Variants in TENM3 observed in about 807,000 individuals in gnomAD.
The protein encoded by TENM3 is teneurin transmembrane protein 3.
Under a neutral mutation model 255.1 loss-of-function variants are expected in TENM3, and 63 were observed. The ratio of observed to expected loss-of-function variants is 0.25; its 90% CI spans 0.20 to 0.30. TENM3 has a LOEUF of 0.30. Among genes scored for constraint, TENM3 ranks in the 10% least tolerant of loss-of-function variants. The pLI, the probability that TENM3 is intolerant of heterozygous loss-of-function variation, is 1.00. For synonymous variants in TENM3, 1,306 were observed against 1,322.3 expected, an observed-to-expected ratio of 0.99 and a Z score of 0.27; for missense variants, 2,929 against 3,461.1, an observed-to-expected ratio of 0.85 and a Z score of 3.86.
chr4:181,899,716 C>T, the TENM3 span, among the ~76,000 whole-genome samples: 3 of 151,900 alleles, frequency 2.0e-5, no homozygotes, highest in African/African-American at 4.8e-5. Flanking sequence ...TACAGGCATG[C>T]ACCACCACAC....
At chr4:181,622,359 T>C in the TENM3 span, among the ~76,000 whole-genome samples, 1 of 152,164 alleles carries the variant, frequency 6.6e-6, no homozygotes, top group African/African-American at 2.4e-5. Flanking sequence ...AACCTGTTTC[T>C]TGAAACCTTC....
chr4:181,574,501 G>T, the TENM3 span, among the ~76,000 whole-genome samples: 1 of 150,362 alleles, frequency 6.7e-6, no homozygotes, highest in East Asian at 2.0e-4. Context: ...ACTGCAGTCC[G>T]CAGTCCGGCC....
chr4:182,088,052 T>C, the TENM3 span, among the ~76,000 whole-genome samples: 6 of 152,212 alleles, frequency 3.9e-5, no homozygotes, highest in Non-Finnish European at 5.9e-5. Context: ...TGTGATCTTA[T>C]TATAACCTTC....
chr4:182,306,204 C>CT (rs1008629788), intron 1 of TENM3, among the ~76,000 whole-genome samples: 24 of 149,952 alleles, frequency 1.6e-4, no homozygotes, highest in East Asian at 9.8e-4. Context: ...CTTTTTTTTT[C>CT]TTTTTTTTTG....
At chr4:182,540,043 A>G (rs1277995475) in intron 3 of TENM3, among the ~76,000 whole-genome samples, 1 of 152,244 alleles carries the variant, frequency 6.6e-6, no homozygotes, top group Non-Finnish European at 1.5e-5. Context: ...TAATTGATAC[A>G]AAGTTTACTG....
chr4:181,569,181 A>G, the TENM3 span, among the ~76,000 whole-genome samples: 1 of 152,106 alleles, frequency 6.6e-6, no homozygotes, highest in Non-Finnish European at 1.5e-5. Flanking sequence ...AATAAAAAAC[A>G]GCAACAACAA....
At chr4:182,500,817 C>G (rs1736238398) in intron 3 of TENM3, among the ~76,000 whole-genome samples, 2 of 151,852 alleles carry the variant, frequency 1.3e-5, no homozygotes, top group African/African-American at 4.8e-5. Context: ...CATGATAATC[C>G]TAGAAAGTTC....
chr4:182,325,475 G>C (rs1259876773), intron 2 of TENM3, among the ~76,000 whole-genome samples: 2 of 152,136 alleles, frequency 1.3e-5, no homozygotes, highest in Admixed American at 6.5e-5. Flanking sequence ...TTATGAAAAG[G>C]GACAAAATAG....
At chr4:182,640,683 A>G (rs1320253744) in intron 5 of TENM3, among the ~76,000 whole-genome samples, 1 of 152,214 alleles carries the variant, frequency 6.6e-6, no homozygotes, top group Non-Finnish European at 1.5e-5. Flanking sequence ...GAGACCACCA[A>G]ATACAGAAGC....
chr4:181,826,933 C>A, the TENM3 span, among the ~76,000 whole-genome samples: 1 of 152,194 alleles, frequency 6.6e-6, no homozygotes, highest in East Asian at 1.9e-4. Flanking sequence ...AGATATTCCT[C>A]TTCTTTCCCA....
intron 13 of TENM3, among the ~76,000 whole-genome samples, chr4:182,720,972 T>A (rs900883849): frequency 2.0e-5 from 3 of 152,030 alleles, no homozygotes; most frequent in Admixed American, 1.3e-4. Context: ...TTCACCACAT[T>A]GGCCAAGCTA....
At chr4:182,631,245 A>G (rs972868963) in intron 5 of TENM3, among the ~76,000 whole-genome samples, 4 of 152,152 alleles carry the variant, frequency 2.6e-5, no homozygotes, top group African/African-American at 9.7e-5. Flanking sequence ...TATTTATTGA[A>G]CATTTGTTTT....
the TENM3 span, among the ~76,000 whole-genome samples, chr4:181,697,815 G>T: frequency 6.1e-4 from 93 of 152,294 alleles, 1 homozygote; most frequent in African/African-American, 2.0e-3. Context: ...ATTTCTAAAA[G>T]CAAAGAGAAA....
At chr4:182,349,899 T>A (rs1257234787) in intron 3 of TENM3, 1 of 315,188 alleles carries the variant, frequency 3.2e-6, no homozygotes, top group African/African-American at 2.3e-5. Context: ...GAGAAGGAGA[T>A]GGATGAAATA....
At chr4:181,613,735 T>G in the TENM3 span, among the ~76,000 whole-genome samples, 1 of 152,320 alleles carries the variant, frequency 6.6e-6, no homozygotes, top group East Asian at 1.9e-4. Context: ...AAACCACTGG[T>G]TCCCAAATTG....
chr4:181,991,543 G>A, the TENM3 span, among the ~76,000 whole-genome samples: 5 of 152,168 alleles, frequency 3.3e-5, no homozygotes, highest in Non-Finnish European at 5.9e-5. Flanking sequence ...GTGATCAAAA[G>A]CTGTCATCGT....
At chr4:182,558,338 T>C (rs1404308386) in intron 3 of TENM3, among the ~76,000 whole-genome samples, 1 of 152,166 alleles carries the variant, frequency 6.6e-6, no homozygotes, top group Non-Finnish European at 1.5e-5. Flanking sequence ...ACATGGGGTG[T>C]TGAAGCTAAG....
the TENM3 span, among the ~76,000 whole-genome samples, chr4:182,003,838 C>A: frequency 6.6e-6 from 1 of 151,374 alleles, no homozygotes; most frequent in East Asian, 1.9e-4. Flanking sequence ...AAAATATTTC[C>A]CTGTGTGTAA....
At chr4:182,480,310 A>G (rs1196234486) in intron 3 of TENM3, among the ~76,000 whole-genome samples, 1 of 152,050 alleles carries the variant, frequency 6.6e-6, no homozygotes, top group Admixed American at 6.5e-5. Flanking sequence ...ATTTAGCAAG[A>G]TATCTTAAGT....
Sources: gnomAD v4.1 joint callset for allele counts (sites outside exome capture counted in the v4.1 genomes callset) on GRCh38, gnomAD v4.1.1 for gene constraint, MANE v1.5 for transcripts, NCBI Gene and HGNC (gene_info 2026-07-23, HGNC 2026-07-21) for gene names.